Variants in BCAS1 observed in about 807,000 individuals in gnomAD.
BCAS1 encodes breast carcinoma-amplified sequence 1.
A neutral mutation model predicts 65.4 loss-of-function variants in BCAS1; 46 were observed. The observed-to-expected ratio is 0.70, with a 90% CI of 0.55 to 0.90. The LOEUF (loss-of-function observed/expected upper bound fraction) is 0.90, where lower values mean the gene tolerates loss of function less well. Ranked by LOEUF, BCAS1 falls within the 40% of genes least tolerant of loss-of-function variation. BCAS1 has a pLI of 0.00. For synonymous variants in BCAS1, 298 were observed against 293.5 expected (o/e 1.02, Z -0.16); for missense variants, 793 against 771.2 (o/e 1.03, Z -0.33).
At chr20:53,992,840 T>G (rs2090798459) in intron 6 of BCAS1, among the ~76,000 whole-genome samples, 194 bp from the exon 7 acceptor site, 1 of 152,098 alleles carries the variant, frequency 6.6e-6, no homozygotes, top group South Asian at 2.1e-4. Context: ...AGATATACAG[T>G]GATTTTCAAC....
intron 1 of BCAS1, among the ~76,000 whole-genome samples, chr20:54,065,293 A>G (rs1322211734): frequency 1.3e-5 from 2 of 152,142 alleles, no homozygotes; most frequent in Non-Finnish European, 2.9e-5. Context: ...ATCTTGTCCT[A>G]TTCCTCGATG....
rs552320640 is a variant in BCAS1, at chr20:53,944,909, C to T, written c.*13G>A. On this transcript the variant is annotated 3_prime_UTR_variant, in exon 13 of 13. Transcript: ENST00000688948. ...GGTGGCAGGAGAACCTGGTGGGAAC[C>T]GTGCTGATTTGTTTACTTGGATTTG... 32 of 1,613,038 alleles carry T rather than the reference C, an allele frequency of 2.0e-5. No homozygotes were observed. In the East Asian group the frequency reaches 2.2e-4, roughly 11 times the overall value.
chr20:53,975,097 C>T (rs1392145685), intron 9 of BCAS1, among the ~76,000 whole-genome samples: 1 of 152,166 alleles, frequency 6.6e-6, no homozygotes, highest in Non-Finnish European at 1.5e-5. Flanking sequence ...CTCAAGGAAG[C>T]GCAAAGCTGT....
At chr20:53,966,568 A>G (rs1344191948) in intron 10 of BCAS1, among the ~76,000 whole-genome samples, 2 of 152,232 alleles carry the variant, frequency 1.3e-5, no homozygotes, top group Admixed American at 1.3e-4. Context: ...AGTCTCAGAA[A>G]TCACACTAAA....
chr20:54,039,516 A>G (rs936922481), intron 3 of BCAS1, among the ~76,000 whole-genome samples: 9 of 151,354 alleles, frequency 5.9e-5, no homozygotes, highest in South Asian at 2.1e-4. Flanking sequence ...ACTGTGGGGC[A>G]AGACTGACAG....
Position 54,051,721 on chromosome 20 carries a change from T to TG in BCAS1, c.142+6363_142+6364insC, listed in dbSNP as rs2092216182. Among the ~76,000 whole-genome samples, 5 of 138,002 alleles carry TG rather than the reference T, an allele frequency of 3.6e-5. No homozygotes were observed. In the South Asian group the frequency reaches 1.2e-3, roughly 33 times the overall value. 90.5% of individuals were successfully genotyped at this position (138,002 alleles called of 152,430 possible). ...CTGCTTTTGACTATGCTGGTTTTTT[T>TG]TTTGTTTGTTGTTGTTGTTGTTGTT... On this transcript the variant is annotated intron_variant, in intron 3 of 12. Transcript: ENST00000688948.
At chr20:53,965,919 G>A (rs2090013558) in intron 10 of BCAS1, among the ~76,000 whole-genome samples, 1 of 151,906 alleles carries the variant, frequency 6.6e-6, no homozygotes, top group East Asian at 1.9e-4. Flanking sequence ...CTTCCAGTTA[G>A]ATGCTGTTGT....
At chr20:53,996,239 C>T (rs2024064) in intron 4 of BCAS1, among the ~76,000 whole-genome samples, 189 bp from the exon 5 acceptor site, 20,700 of 152,134 alleles carry the variant, frequency 0.14, 1,703 homozygotes, top group South Asian at 0.21. Context: ...CTAACATATT[C>T]AGCATTTGCT....
chr20:54,052,385 C>G (rs73132922), intron 3 of BCAS1, among the ~76,000 whole-genome samples: 64 of 152,186 alleles, frequency 4.2e-4, no homozygotes, highest in Non-Finnish European at 7.5e-4. Flanking sequence ...GCTTCTTTTT[C>G]GTAGTATAAT....
chr20:54,023,384 T>C lies in BCAS1; in HGVS notation c.723+5008A>G, dbSNP rs186018428. 4.3e-3 allele frequency among the ~76,000 whole-genome samples: 652 copies of C among 152,332 alleles called. 3 individuals are homozygous for C. Among genetic ancestry groups the C allele is most frequent in the Non-Finnish European group, 5.2e-3 (354 of 68,028 alleles). The stretch of plus-strand genomic sequence containing the variant: ...TCTGAACTGTTGACTTCTTCATCTG[T>C]AAAATGGTGAAAATACAGGAATTCC... On this transcript the variant is annotated intron_variant, in intron 4 of 12. Coordinates refer to ENST00000688948, the MANE Select transcript of BCAS1 (RefSeq NM_001366298.2).
At position 53,992,136 on chromosome 20, in the gene BCAS1, T is replaced by C. The variant is rs554427503; in HGVS notation, c.1062+376A>G. ...AAAAATTATTCTGATTTTCTATATATGATATAAAGTTTCTTTTAAAGATAC... is the reference window on the plus strand; with the variant it reads ...AAAAATTATTCTGATTTTCTATATACGATATAAAGTTTCTTTTAAAGATAC... On this transcript the variant is annotated intron_variant, in intron 7 of 12. Transcript: ENST00000688948. 2.7e-4 allele frequency among the ~76,000 whole-genome samples: 40 copies of C among 148,254 alleles called. 1 individual carries two copies. The South Asian group carries it at 8.8e-3, about 33-fold the overall frequency.
chr20:54,030,790 C>T, intron 3 of BCAS1, among the ~76,000 whole-genome samples: 1 of 150,208 alleles, frequency 6.7e-6, no homozygotes, highest in East Asian at 1.9e-4. Flanking sequence ...TAAACCTGAA[C>T]CTGAAGAAAA....
chr20:54,040,250 T>G (rs2091966785), intron 3 of BCAS1, among the ~76,000 whole-genome samples: 1 of 151,334 alleles, frequency 6.6e-6, no homozygotes, highest in Non-Finnish European at 1.5e-5. Flanking sequence ...CACTGCCATA[T>G]TATTTTCTTA....
intron 4 of BCAS1, among the ~76,000 whole-genome samples, chr20:54,009,422 G>C (rs939570383): frequency 1.3e-5 from 2 of 152,042 alleles, no homozygotes; most frequent in Non-Finnish European, 2.9e-5. Context: ...GTACAAAACT[G>C]GATAGGAGAA....
chr20:54,007,250 G>A (rs151330331), intron 4 of BCAS1, among the ~76,000 whole-genome samples: 204 of 152,304 alleles, frequency 1.3e-3, no homozygotes, highest in African/African-American at 4.3e-3. Flanking sequence ...TGTGGTTCCA[G>A]GGCTAGACAT....
intron 12 of BCAS1, among the ~76,000 whole-genome samples, chr20:53,949,065 T>C (rs549545333): frequency 9.2e-5 from 14 of 152,106 alleles, no homozygotes; most frequent in African/African-American, 3.1e-4. Flanking sequence ...CAGGGGCTCA[T>C]GAAAATGGGA....
chr20:53,960,469 T>TAAA (rs11467629), intron 10 of BCAS1, among the ~76,000 whole-genome samples: 18 of 63,102 alleles, frequency 2.9e-4, no homozygotes, highest in Admixed American at 3.9e-4. Flanking sequence ...TTCAACTTCT[T>TAAA]AAAAAAAAAA....
At chr20:53,975,530 C>A (rs1600755328) in intron 8 of BCAS1, 100 bp from the exon 9 acceptor site, 1 of 818,734 alleles carries the variant, frequency 1.2e-6, no homozygotes, top group African/African-American at 1.7e-5. Context: ...TCTTGGGGTG[C>A]GTTCGGGGAC....
At chr20:53,967,870 G>A (rs2090076776) in intron 9 of BCAS1, among the ~76,000 whole-genome samples, 1 of 152,236 alleles carries the variant, frequency 6.6e-6, no homozygotes, top group South Asian at 2.1e-4. Context: ...TTCTGCATTT[G>A]TGTTGTTCCC....
Sources: allele counts gnomAD v4.1 joint callset (sites outside exome capture counted in the v4.1 genomes callset), GRCh38; gene constraint gnomAD v4.1.1; transcripts MANE v1.5; gene names NCBI Gene and HGNC (gene_info 2026-07-23, HGNC 2026-07-21).